The following DNAJC1 variants were observed in gnomAD, a reference collection of about 807,000 sequenced individuals.
The protein encoded by DNAJC1 is dnaJ homolog subfamily C member 1.
A neutral mutation model predicts 76.6 loss-of-function variants in DNAJC1; 58 were observed. The observed-to-expected ratio is 0.76, with a 90% confidence interval of 0.61 to 0.94. The LOEUF (loss-of-function observed/expected upper bound fraction) is 0.94, where lower values mean the gene tolerates loss of function less well. DNAJC1 is among the 40% of genes least tolerant of loss of function. The pLI is 0.00. For synonymous variants in DNAJC1, 258 were observed against 267.9 expected, an observed-to-expected ratio of 0.96 and a Z score of 0.36; for missense variants, 689 against 677.3, an observed-to-expected ratio of 1.02 and a Z score of -0.19.
At chr10:21,967,304 T>G (rs1486368935) in intron 1 of DNAJC1, among the ~76,000 whole-genome samples, 1 of 152,228 alleles carries the variant, frequency 6.6e-6, no homozygotes, top group African/African-American at 2.4e-5. Flanking sequence ...GTCTTATGTG[T>G]CTGGCTGTTT....
At chr10:21,933,550 C>A (rs1254911783) in intron 1 of DNAJC1, 1 of 151,672 alleles carries the variant, frequency 6.6e-6, no homozygotes, top group African/African-American at 2.4e-5. Flanking sequence ...GATATTCAGG[C>A]TCTGCACAAG....
At chr10:21,786,455 TATATATATAGAG>T (rs1219683485) in intron 9 of DNAJC1, among the ~76,000 whole-genome samples, 49 of 56,926 alleles carry the variant, frequency 8.6e-4, no homozygotes, top group South Asian at 2.9e-3. Context: ...TATATATATA[TATATATATAGAG>T]AGAGAGAGAG....
chr10:21,844,958 A>G (rs543042112), intron 8 of DNAJC1, among the ~76,000 whole-genome samples: 2 of 152,318 alleles, frequency 1.3e-5, no homozygotes, highest in South Asian at 4.1e-4. Flanking sequence ...TGTGCACAGG[A>G]GGTGCCACTG....
At chr10:21,891,121 C>T (rs1056685516) in intron 7 of DNAJC1, among the ~76,000 whole-genome samples, 26 of 151,984 alleles carry the variant, frequency 1.7e-4, no homozygotes, top group Admixed American at 1.4e-3. Context: ...ACCCAGGAGG[C>T]GGAGGTTGCA....
At chr10:21,837,999 G>A (rs1564803698) in intron 8 of DNAJC1, among the ~76,000 whole-genome samples, 1 of 150,440 alleles carries the variant, frequency 6.6e-6, no homozygotes, top group Admixed American at 6.6e-5. Flanking sequence ...CGCCCCGGCT[G>A]GGAGGTGGGG....
At chr10:21,928,608 T>C (rs956619238) in intron 2 of DNAJC1, 56 bp from the exon 3 acceptor site, 5 of 1,445,522 alleles carry the variant, frequency 3.5e-6, no homozygotes, top group African/African-American at 2.8e-5. Flanking sequence ...AGAAATCACA[T>C]AGGAGGGTGA....
At chr10:21,931,449 A>G (rs551345112) in intron 1 of DNAJC1, among the ~76,000 whole-genome samples, 1 of 152,226 alleles carries the variant, frequency 6.6e-6, no homozygotes, top group Admixed American at 6.5e-5. Context: ...CATGCTCTAG[A>G]TAAGTTGTAC....
intron 1 of DNAJC1, among the ~76,000 whole-genome samples, chr10:21,989,520 G>A (rs1371318870): frequency 1.3e-5 from 2 of 152,196 alleles, no homozygotes; most frequent in Non-Finnish European, 2.9e-5. Context: ...GAGTGATGAG[G>A]ACTGAAAGTA....
chr10:21,908,276 A>C (rs1472308941), intron 6 of DNAJC1, among the ~76,000 whole-genome samples: 1 of 122,832 alleles, frequency 8.1e-6, no homozygotes, highest in Non-Finnish European at 1.6e-5. Context: ...TATTTTATAT[A>C]TATATATATA....
At chr10:21,974,064 T>C (rs1016329682) in intron 1 of DNAJC1, among the ~76,000 whole-genome samples, 6 of 148,000 alleles carry the variant, frequency 4.1e-5, no homozygotes, top group African/African-American at 1.5e-4. Flanking sequence ...ATCACGCCAC[T>C]GTACTCCAGC....
At chr10:21,881,844 TAAAAAAA>T (rs1002377641) in intron 8 of DNAJC1, among the ~76,000 whole-genome samples, 1 of 55,414 alleles carries the variant, frequency 1.8e-5, no homozygotes, top group African/African-American at 6.6e-5. Flanking sequence ...CCTCAATTTG[TAAAAAAA>T]AAAAAAAAAA....
chr10:21,884,658 C>T (rs1836340586), intron 7 of DNAJC1, among the ~76,000 whole-genome samples: 1 of 152,084 alleles, frequency 6.6e-6, no homozygotes, highest in Admixed American at 6.6e-5. Flanking sequence ...ACAGTAAACA[C>T]TATTAGGAGA....
chr10:21,765,418 C>T (rs1834288375), intron 10 of DNAJC1, among the ~76,000 whole-genome samples: 1 of 152,094 alleles, frequency 6.6e-6, no homozygotes, highest in Non-Finnish European at 1.5e-5. Context: ...TGTTCATCTG[C>T]ATTACTCTCC....
chr10:21,785,900 T>C (rs1834600022), intron 9 of DNAJC1, among the ~76,000 whole-genome samples: 1 of 152,186 alleles, frequency 6.6e-6, no homozygotes, highest in African/African-American at 2.4e-5. Flanking sequence ...TAGTATGTAA[T>C]GTATGGATTT....
At chr10:21,918,753 T>C (rs1754200203) in intron 6 of DNAJC1, 26 bp downstream of exon 6, 4 of 1,516,170 alleles carry the variant, frequency 2.6e-6, no homozygotes, top group Admixed American at 1.7e-5. Context: ...AAAGATCTAA[T>C]GTTATATAAA....
intron 8 of DNAJC1, among the ~76,000 whole-genome samples, chr10:21,829,487 A>G (rs1440915142): frequency 6.6e-6 from 1 of 152,216 alleles, no homozygotes; most frequent in Non-Finnish European, 1.5e-5. Context: ...AAGTGCTGGG[A>G]TTACAGGCAT....
chr10:21,766,111 C>A, intron 10 of DNAJC1, 150 bp downstream of exon 10: 1 of 669,132 alleles, frequency 1.5e-6, no homozygotes, highest in East Asian at 2.6e-5. Flanking sequence ...TGCTGGTGCC[C>A]GTATTTCAAC....
chr10:21,757,681 G>A (rs1834192101), intron 11 of DNAJC1, among the ~76,000 whole-genome samples: 1 of 152,152 alleles, frequency 6.6e-6, no homozygotes, highest in African/African-American at 2.4e-5. Flanking sequence ...AAAACCAGAT[G>A]TGGCCAGACC....
At chr10:21,969,526 G>C (rs536073759) in intron 1 of DNAJC1, among the ~76,000 whole-genome samples, 16 of 152,202 alleles carry the variant, frequency 1.1e-4, no homozygotes, top group Non-Finnish European at 2.2e-4. Flanking sequence ...GTCGGACTCT[G>C]AGTGTAAAGA....
Sources: gnomAD v4.1 joint callset for allele counts (sites outside exome capture counted in the v4.1 genomes callset) on GRCh38, gnomAD v4.1.1 for gene constraint, MANE v1.5 for transcripts, NCBI Gene and HGNC (gene_info 2026-07-23, HGNC 2026-07-21) for gene names.